The following RASGEF1A variants were observed in gnomAD, a reference collection of about 807,000 sequenced individuals.
RASGEF1A encodes ras-GEF domain-containing family member 1A.
In RASGEF1A, 18 loss-of-function variants were observed where a neutral mutation model predicts 56.4. That is an observed-to-expected ratio of 0.32 (90% CI 0.22 to 0.47). RASGEF1A has a LOEUF of 0.47. RASGEF1A is among the 20% of genes least tolerant of loss of function. The pLI, the probability that RASGEF1A is intolerant of heterozygous loss-of-function variation, is 1.00. For synonymous variants in RASGEF1A, 245 were observed against 242.6 expected (o/e 1.01, Z -0.09); for missense variants, 422 against 627.1 (o/e 0.67, Z 3.49).
At chr10:43,253,123 C>T (rs551820368) in intron 1 of RASGEF1A, among the ~76,000 whole-genome samples, 5 of 152,298 alleles carry the variant, frequency 3.3e-5, no homozygotes, top group South Asian at 4.1e-4. Context: ...CACACTTCCA[C>T]GCCCACCGTA....
rs1207320548 is a variant in RASGEF1A, at chr10:43,266,838, T to C, written c.-7+7A>G. 6.9e-6 allele frequency: 1 copy of C among 145,498 alleles called. No individual in the cohort carries two copies. Among genetic ancestry groups the C allele is most frequent in the Non-Finnish European group, 1.5e-5 (1 of 65,642 alleles). 9.0% of individuals were successfully genotyped at this position (145,498 alleles called of 1,614,324 possible). A position where few individuals can be genotyped will look rare whatever the true frequency, so the allele number is the denominator to read the frequency against. The stretch of plus-strand genomic sequence containing the variant: ...CGAGGCACTGAGGGTCCGCGGCCGC[T>C]GCCTACCTCGGTCCGGGCCAGCGTC... On this transcript the variant is annotated splice_region_variant and intron_variant, in intron 1 of 12. Transcript: ENST00000395810.
intron 1 of RASGEF1A, among the ~76,000 whole-genome samples, chr10:43,233,864 TC>T (rs920562516): frequency 1.7e-4 from 26 of 151,984 alleles, no homozygotes; most frequent in Admixed American, 1.3e-3. Context: ...GAACCAAGCA[TC>T]CCCCACAGGG....
chr10:43,267,042 C>G lies in RASGEF1A; in HGVS notation c.-204G>C, dbSNP rs1179816639. On this transcript the variant is annotated 5_prime_UTR_variant, in exon 1 of 13. Coordinates refer to ENST00000395810, the MANE Select transcript of RASGEF1A (RefSeq NM_145313.4). ...GCCGGCGCCGGGGAGCGCGAGCGAG[C>G]GAGCGAACGAGCGAGCGCGGAGCGA... 1.3e-5 allele frequency: 2 copies of G among 149,680 alleles called. No homozygotes were observed. The highest frequency in any genetic ancestry group is 2.0e-4 in the East Asian group (1 of 5,068). 9.3% of individuals were successfully genotyped at this position (149,680 alleles called of 1,614,324 possible).
Position 43,208,607 on chromosome 10 carries a change from G to A in RASGEF1A, c.-6-2485C>T, listed in dbSNP as rs556483003. On this transcript the variant is annotated intron_variant, in intron 1 of 12. Coordinates refer to ENST00000395810, the MANE Select transcript of RASGEF1A (RefSeq NM_145313.4). ...AGCCTGAGGGGGACCGTGTGGAGCC[G>A]CACTGACCTGAGAGGTGGGGTGCTC... 82 of 985,658 alleles carry A rather than the reference G, an allele frequency of 8.3e-5. No homozygotes were observed. The Admixed American group carries it at 2.1e-3, about 26-fold the overall frequency. 61.1% of individuals were successfully genotyped at this position (985,658 alleles called of 1,614,324 possible). A position where few individuals can be genotyped will look rare whatever the true frequency, so the allele number is the denominator to read the frequency against.
chr10:43,202,098 C>G (rs1054821346), intron 3 of RASGEF1A, among the ~76,000 whole-genome samples, 153 bp from the exon 4 acceptor site: 2 of 152,194 alleles, frequency 1.3e-5, no homozygotes, highest in Admixed American at 6.5e-5. Flanking sequence ...TTGGCCAAAC[C>G]TGAACCGCCA....
chr10:43,229,639 G>A (rs1469983270), intron 1 of RASGEF1A: 6 of 1,494,160 alleles, frequency 4.0e-6, no homozygotes, highest in Non-Finnish European at 5.3e-6. Flanking sequence ...AGCCCTACCT[G>A]GGGCTCCAGG....
intron 1 of RASGEF1A, among the ~76,000 whole-genome samples, chr10:43,238,296 G>A (rs1364348188): frequency 2.0e-5 from 3 of 152,118 alleles, no homozygotes; most frequent in South Asian, 2.1e-4. Flanking sequence ...TTGTATCGCA[G>A]ATTGAGACCT....
At chr10:43,222,595 G>T (rs564458786) in intron 1 of RASGEF1A, among the ~76,000 whole-genome samples, 1 of 152,250 alleles carries the variant, frequency 6.6e-6, no homozygotes, top group African/African-American at 2.4e-5. Flanking sequence ...GAAGCTCCAC[G>T]CCCCTTCTCA....
chr10:43,198,242 T>A, intron 9 of RASGEF1A, 47 bp from the exon 10 acceptor site: 1 of 1,487,934 alleles, frequency 6.7e-7, no homozygotes, highest in Non-Finnish European at 9.2e-7. Context: ...CCCATGCCCC[T>A]CCGACCTGCT....
At chr10:43,202,075 T>C in intron 3 of RASGEF1A, 130 bp from the exon 4 acceptor site, 1 of 1,032,340 alleles carries the variant, frequency 9.7e-7, no homozygotes, top group East Asian at 2.8e-5. Context: ...CCCAACTGCG[T>C]GCCACCTGCG....
intron 2 of RASGEF1A, chr10:43,203,842 G>T: frequency 1.0e-6 from 1 of 974,904 alleles, no homozygotes; most frequent in Non-Finnish European, 1.2e-6. Context: ...GGGGGATGCA[G>T]GGAGGTTGGC....
chr10:43,199,169 C>A lies in RASGEF1A; in HGVS notation c.875G>T (p.Arg292Leu). The A allele has an allele frequency of 1.2e-6, 2 of 1,612,044 alleles. No individual in the cohort carries two copies. Among genetic ancestry groups the A allele is most frequent in the Non-Finnish European group, 1.7e-6 (2 of 1,179,110 alleles). Residue 292 changes from arginine (R) to leucine (L), a missense_variant, in exon 8 of 13, where the codon CGC becomes CTC. This residue lies in a region of RASGEF1A where 149 missense variants were observed against 287.2 expected (regional missense o/e 0.52). Transcript: ENST00000395810. ...CRVVKKKHRT[R>L]MLEFFIDVAR... ...CACATCAATGAAGAACTCCAACATG[C>A]GGGTCCGGTGTTTCTTCTTCACCAC...
At chr10:43,246,030 GAC>G (rs1327585800) in intron 1 of RASGEF1A, among the ~76,000 whole-genome samples, 1 of 151,784 alleles carries the variant, frequency 6.6e-6, no homozygotes, top group Non-Finnish European at 1.5e-5. Flanking sequence ...TACACACACA[GAC>G]ACACACACTA....
intron 1 of RASGEF1A, among the ~76,000 whole-genome samples, chr10:43,235,972 A>T (rs1027153690): frequency 2.0e-5 from 3 of 152,142 alleles, no homozygotes; most frequent in African/African-American, 7.2e-5. Context: ...CCATCACCTG[A>T]GCAGAGACCT....
intron 1 of RASGEF1A, among the ~76,000 whole-genome samples, chr10:43,243,110 C>T (rs1339660263): frequency 6.6e-6 from 1 of 150,684 alleles, no homozygotes. Flanking sequence ...GGCCGCCCAT[C>T]GTCTGGGATG....
At chr10:43,237,773 C>G (rs952508995) in intron 1 of RASGEF1A, among the ~76,000 whole-genome samples, 16 of 152,140 alleles carry the variant, frequency 1.1e-4, no homozygotes, top group Admixed American at 5.2e-4. Flanking sequence ...CCCACGACAC[C>G]CAGCCCCATA....
intron 1 of RASGEF1A, among the ~76,000 whole-genome samples, chr10:43,237,918 C>G (rs1840452106): frequency 6.6e-6 from 1 of 152,226 alleles, no homozygotes; most frequent in South Asian, 2.1e-4. Flanking sequence ...CACTCAGGCA[C>G]AGGCAAACAG....
At chr10:43,224,845 A>C (rs953657859) in intron 1 of RASGEF1A, among the ~76,000 whole-genome samples, 31 of 152,250 alleles carry the variant, frequency 2.0e-4, no homozygotes, top group African/African-American at 6.8e-4. Flanking sequence ...CAGGAAGCCA[A>C]ACTAAAAATC....
chr10:43,259,186 T>C (rs960125171), intron 1 of RASGEF1A, among the ~76,000 whole-genome samples: 2 of 152,164 alleles, frequency 1.3e-5, no homozygotes, highest in African/African-American at 4.8e-5. Flanking sequence ...AAGACAGATA[T>C]CCATGCAGTG....
Sources: gnomAD v4.1 joint callset for allele counts (sites outside exome capture counted in the v4.1 genomes callset) on GRCh38, gnomAD v4.1.1 for gene constraint, gnomAD v4.1.1 regional missense constraint, MANE v1.5 for transcripts, NCBI Gene and HGNC (gene_info 2026-07-23, HGNC 2026-07-21) for gene names.